Variants in BTLA observed in about 807,000 individuals in gnomAD.
The protein encoded by BTLA is B- and T-lymphocyte attenuator.
Under a neutral mutation model 25.0 loss-of-function variants are expected in BTLA, and 11 were observed. The ratio of observed to expected loss-of-function variants is 0.44; its 90% confidence interval spans 0.28 to 0.73. The LOEUF is 0.73. Among genes scored for constraint, BTLA ranks in the 30% least tolerant of loss-of-function variants. The pLI is 0.15. For synonymous variants in BTLA, 104 were observed against 119.8 expected (o/e 0.87, Z 0.86); for missense variants, 282 against 332.8 (o/e 0.85, Z 1.19).
intron 4 of BTLA, among the ~76,000 whole-genome samples, chr3:112,469,065 A>G (rs2082245781): frequency 6.6e-6 from 1 of 152,170 alleles, no homozygotes; most frequent in Non-Finnish European, 1.5e-5. Context: ...AGAGCTTCAG[A>G]ATGCTTTTCC....
chr3:112,489,209 C>T (rs76916839), intron 1 of BTLA, among the ~76,000 whole-genome samples: 165 of 152,246 alleles, frequency 1.1e-3, no homozygotes, highest in African/African-American at 3.8e-3. Flanking sequence ...TAACAAGTGA[C>T]ACTCCATGGC....
chr3:112,468,909 T>A (rs998594806), intron 4 of BTLA, among the ~76,000 whole-genome samples: 1 of 152,162 alleles, frequency 6.6e-6, no homozygotes. Context: ...ATATTATATA[T>A]AGAATTATTG....
intron 4 of BTLA, among the ~76,000 whole-genome samples, chr3:112,467,009 G>C (rs548711958): frequency 4.0e-5 from 6 of 151,446 alleles, no homozygotes; most frequent in Non-Finnish European, 7.4e-5. Context: ...CCAGGCTGGA[G>C]TGCAGTGGTG....
chr3:112,489,033 A>G (rs2082365526), intron 1 of BTLA, among the ~76,000 whole-genome samples: 1 of 152,194 alleles, frequency 6.6e-6, no homozygotes, highest in Admixed American at 6.6e-5. Flanking sequence ...GAGACAGCTA[A>G]GCCCTTAGAG....
intron 1 of BTLA, among the ~76,000 whole-genome samples, chr3:112,484,509 C>T (rs1480790858): frequency 6.6e-6 from 1 of 152,132 alleles, no homozygotes; most frequent in Non-Finnish European, 1.5e-5. Flanking sequence ...ACTCACCATC[C>T]CCTGACCACA....
intron 1 of BTLA, among the ~76,000 whole-genome samples, chr3:112,496,731 T>G (rs1375714860): frequency 6.6e-6 from 1 of 152,208 alleles, no homozygotes; most frequent in Non-Finnish European, 1.5e-5. Context: ...TATCAACTGG[T>G]ATATATCTGA....
At chr3:112,477,719 G>A in intron 2 of BTLA, among the ~76,000 whole-genome samples, 1 of 152,028 alleles carries the variant, frequency 6.6e-6, no homozygotes, top group East Asian at 1.9e-4. Flanking sequence ...TAAGAAATCA[G>A]AGTTTTATTG....
intron 3 of BTLA, 47 bp from the exon 4 acceptor site, chr3:112,469,851 C>T: frequency 6.7e-7 from 1 of 1,487,260 alleles, no homozygotes; most frequent in South Asian, 1.1e-5. Context: ...GTAAAGAAAG[C>T]AGAAGTAAAC....
chr3:112,483,988 A>G (rs1205683257), intron 1 of BTLA, among the ~76,000 whole-genome samples: 1 of 152,048 alleles, frequency 6.6e-6, no homozygotes, highest in South Asian at 2.1e-4. Context: ...AAAAAGATAC[A>G]AACAACTTTG....
chr3:112,487,685 T>G (rs2082355974), intron 1 of BTLA, among the ~76,000 whole-genome samples: 1 of 152,208 alleles, frequency 6.6e-6, no homozygotes, highest in Non-Finnish European at 1.5e-5. Context: ...CCCACTGTCC[T>G]TGACACATTA....
intron 4 of BTLA, among the ~76,000 whole-genome samples, chr3:112,469,297 G>A (rs2082247223): frequency 6.6e-6 from 1 of 151,986 alleles, no homozygotes; most frequent in Admixed American, 6.6e-5. Flanking sequence ...TATTTTGCTG[G>A]TGCTATTTAT....
intron 1 of BTLA, among the ~76,000 whole-genome samples, chr3:112,485,655 C>T (rs1400642158): frequency 2.0e-5 from 3 of 152,074 alleles, no homozygotes; most frequent in African/African-American, 7.2e-5. Flanking sequence ...CCTCCATCCC[C>T]GGGTTCAAGC....
intron 3 of BTLA, 61 bp downstream of exon 3, chr3:112,471,151 C>T (rs1318372104): frequency 1.3e-6 from 2 of 1,529,448 alleles, no homozygotes; most frequent in African/African-American, 2.8e-5. Flanking sequence ...ATCCTTTAGC[C>T]CCAGAAATAA....
intron 3 of BTLA, 65 bp from the exon 4 acceptor site, chr3:112,469,869 C>T (rs2082252681): frequency 7.5e-7 from 1 of 1,332,994 alleles, no homozygotes; most frequent in Non-Finnish European, 1.1e-6. Context: ...AACCACCTTG[C>T]CACCCATGCT....
At chr3:112,493,493 T>C (rs1162270258) in intron 1 of BTLA, among the ~76,000 whole-genome samples, 2 of 152,122 alleles carry the variant, frequency 1.3e-5, no homozygotes, top group Non-Finnish European at 1.5e-5. Flanking sequence ...GGGCAAAGGA[T>C]ATGAACACAC....
At chr3:112,479,858 G>C in intron 1 of BTLA, 89 bp from the exon 2 acceptor site, 1 of 1,172,354 alleles carries the variant, frequency 8.5e-7, no homozygotes, top group Non-Finnish European at 1.2e-6. Flanking sequence ...GCATTATTTG[G>C]TAATTTTCAA....
In BTLA at chr3:112,474,692, C is replaced by T. The variant is rs140273679; in HGVS notation, c.404-3337G>A. ...CCCCTCAGGTGATCATGAAAAGCTT[C>T]CTTAAGAACTTGGAAAATTAGCTGA... On this transcript the variant is annotated intron_variant, in intron 2 of 4. Coordinates refer to ENST00000334529, the MANE Select transcript of BTLA (RefSeq NM_181780.4). Among the ~76,000 whole-genome samples the T allele has an allele frequency of 2.8e-3, 421 of 152,176 alleles. 4 individuals carry two copies. The highest frequency in any genetic ancestry group is 9.7e-3 in the African/African-American group (402 of 41,508).
chr3:112,499,028 A>G (rs2082426710), intron 1 of BTLA, among the ~76,000 whole-genome samples: 1 of 152,218 alleles, frequency 6.6e-6, no homozygotes, highest in African/African-American at 2.4e-5. Flanking sequence ...CCTACCATCA[A>G]CATGTTTTTA....
At chr3:112,475,285 G>T (rs1416363027) in intron 2 of BTLA, among the ~76,000 whole-genome samples, 1 of 152,108 alleles carries the variant, frequency 6.6e-6, no homozygotes, top group Non-Finnish European at 1.5e-5. Flanking sequence ...GAAACTAAGA[G>T]AGTAGAAATG....
Sources: allele counts gnomAD v4.1 joint callset (sites outside exome capture counted in the v4.1 genomes callset), GRCh38; gene constraint gnomAD v4.1.1; transcripts MANE v1.5; gene names NCBI Gene and HGNC (gene_info 2026-07-23, HGNC 2026-07-21).